Variants in COLEC12 observed in about 807,000 individuals in gnomAD.
The protein encoded by COLEC12 is collectin-12.
A neutral mutation model predicts 71.1 loss-of-function variants in COLEC12; 33 were observed. The observed-to-expected ratio is 0.46, with a 90% confidence interval of 0.35 to 0.62. The LOEUF (loss-of-function observed/expected upper bound fraction) is 0.62, where lower values mean the gene tolerates loss of function less well. Ranked by LOEUF, COLEC12 falls within the 20% of genes least tolerant of loss-of-function variation. The probability of loss-of-function intolerance (pLI) is 0.00; values close to 1 mark genes in which losing one functional copy is unlikely to be tolerated. For missense variants in COLEC12, 765 were observed against 916.1 expected, an observed-to-expected ratio of 0.84 and a Z score of 2.13; for synonymous variants, 350 against 353.0, an observed-to-expected ratio of 0.99 and a Z score of 0.10.
chr18:349,552 G>GT (rs550914638), intron 3 of COLEC12, among the ~76,000 whole-genome samples: 22 of 152,326 alleles, frequency 1.4e-4, no homozygotes, highest in African/African-American at 5.1e-4. Flanking sequence ...TAGTGGAGCT[G>GT]TGAGAAGAGG....
At chr18:447,475 C>G (rs1376849583) in intron 2 of COLEC12, among the ~76,000 whole-genome samples, 3 of 152,228 alleles carry the variant, frequency 2.0e-5, no homozygotes, top group Non-Finnish European at 4.4e-5. Context: ...GCGTGCTGAG[C>G]AGAGGCCACC....
At chr18:474,402 G>C (rs1333908282) in intron 2 of COLEC12, among the ~76,000 whole-genome samples, 1 of 152,206 alleles carries the variant, frequency 6.6e-6, no homozygotes, top group Non-Finnish European at 1.5e-5. Context: ...GTTTAAAACA[G>C]ATCATAATCA....
Position 408,009 on chromosome 18 carries a change from T to C in COLEC12, c.59-50487A>G, listed in dbSNP as rs1348242425. Among the ~76,000 whole-genome samples, 4 of 152,186 alleles carry C rather than the reference T, an allele frequency of 2.6e-5. No individual in the cohort carries two copies. The highest frequency in any genetic ancestry group is 5.9e-5 in the Non-Finnish European group (4 of 68,022). The stretch of plus-strand genomic sequence containing the variant: ...CCTGGGCTAGAAGGAATATAATAAA[T>C]GGCTGGATGAATGATGAATATGACT... On this transcript the variant is annotated intron_variant, in intron 2 of 9. Transcript: ENST00000400256. This position sits in a 1 kb window ranked among gnomAD's most constrained non-coding sequence, Gnocchi z 4.3.
At chr18:412,017 G>A (rs780287709) in intron 2 of COLEC12, among the ~76,000 whole-genome samples, 5 of 152,158 alleles carry the variant, frequency 3.3e-5, no homozygotes, top group Non-Finnish European at 5.9e-5. Context: ...CCTAGAAGGA[G>A]AGGAGAAAGG....
chr18:455,561 G>A (rs1916852393), intron 2 of COLEC12, among the ~76,000 whole-genome samples: 1 of 152,104 alleles, frequency 6.6e-6, no homozygotes, highest in African/African-American at 2.4e-5. Context: ...CATGTGCCAT[G>A]GTGGTTTGCT....
chr18:476,852 C>T (rs1030655898), intron 2 of COLEC12, among the ~76,000 whole-genome samples: 2 of 152,214 alleles, frequency 1.3e-5, no homozygotes, highest in Non-Finnish European at 1.5e-5. Flanking sequence ...ACTATAGTTA[C>T]GTCCCAATTA....
rs143750080 is a variant in COLEC12 at position 374,830 on chromosome 18, G to A, written c.59-17308C>T. Among the ~76,000 whole-genome samples the A allele has an allele frequency of 2.3e-3, 349 of 152,252 alleles. 1 individual carries two copies. Among genetic ancestry groups the A allele is most frequent in the African/African-American group, 7.9e-3 (329 of 41,552 alleles). On this transcript the variant is annotated intron_variant, in intron 2 of 9. Coordinates refer to ENST00000400256, the MANE Select transcript of COLEC12 (RefSeq NM_130386.3). ...ACGTTATGCATGGTGAGTTCAGACC[G>A]CAGCTGTCTATGTAGCCAGTTAAGT...
chr18:446,640 T>C (rs1368227735), intron 2 of COLEC12, among the ~76,000 whole-genome samples: 1 of 150,354 alleles, frequency 6.7e-6, no homozygotes, highest in African/African-American at 2.5e-5. Flanking sequence ...GCCCAGGAGG[T>C]TGAGGACCTT....
chr18:488,973 A>C (rs986878121), intron 1 of COLEC12, among the ~76,000 whole-genome samples: 4 of 152,188 alleles, frequency 2.6e-5, no homozygotes, highest in African/African-American at 7.2e-5. Context: ...GAAGCACTGG[A>C]GGAGTAAGTG....
At chr18:398,860 C>T (rs1321777825) in intron 2 of COLEC12, among the ~76,000 whole-genome samples, 4 of 152,210 alleles carry the variant, frequency 2.6e-5, no homozygotes, top group Admixed American at 2.0e-4. Flanking sequence ...TTTGACCTCA[C>T]GTTCCACATG....
intron 2 of COLEC12, among the ~76,000 whole-genome samples, chr18:374,954 A>C (rs1229450110): frequency 6.6e-6 from 1 of 152,224 alleles, no homozygotes; most frequent in Non-Finnish European, 1.5e-5. Context: ...AGTTGGGGAA[A>C]GTTCATCTGT....
chr18:330,907 T>A (rs7359771), intron 8 of COLEC12, among the ~76,000 whole-genome samples: 87,154 of 144,870 alleles, frequency 0.6, 26,928 homozygotes, highest in Middle Eastern at 0.78. Context: ...TGAGATAGAG[T>A]CTTGCTCTGT....
intron 2 of COLEC12, among the ~76,000 whole-genome samples, chr18:410,447 T>TC (rs1223761346): frequency 1.3e-5 from 2 of 152,006 alleles, no homozygotes; most frequent in East Asian, 3.9e-4. Flanking sequence ...TTCTTCTTTT[T>TC]TTTTTTTTTA....
chr18:371,581 G>A (rs537508960), intron 2 of COLEC12, among the ~76,000 whole-genome samples: 2 of 152,294 alleles, frequency 1.3e-5, no homozygotes, highest in East Asian at 3.9e-4. Context: ...TCACAGAGTA[G>A]GGGATAGAAA....
At position 317,804 on chromosome 18, in the gene COLEC12, C is replaced by A. The variant is rs887763714; in HGVS notation, c.*2241G>T. On this transcript the variant is annotated 3_prime_UTR_variant, in exon 10 of 10. Transcript: ENST00000400256. ...GCCCGCCTTGTGGTGCAGGCTTCAG[C>A]AGTTTAGGCCCAGAGGACTGTGGGT... 5.9e-5 allele frequency: 9 copies of A among 152,196 alleles called. 1 individual carries two copies. Among genetic ancestry groups the A allele is most frequent in the Admixed American group, 5.9e-4 (9 of 15,286 alleles). 9.4% of individuals were successfully genotyped at this position (152,196 alleles called of 1,614,324 possible).
chr18:344,107 A>T (rs1274730767), intron 5 of COLEC12, among the ~76,000 whole-genome samples: 3 of 152,168 alleles, frequency 2.0e-5, no homozygotes, highest in Non-Finnish European at 2.9e-5. Flanking sequence ...GAATACCATG[A>T]TAAGATTGTC....
At chr18:472,404 G>A (rs542843266) in intron 2 of COLEC12, among the ~76,000 whole-genome samples, 2 of 152,192 alleles carry the variant, frequency 1.3e-5, no homozygotes, top group African/African-American at 4.8e-5. Context: ...CTGGTCAGGC[G>A]TGGTGCCTCA....
intron 3 of COLEC12, among the ~76,000 whole-genome samples, chr18:350,946 C>T (rs922046677): frequency 2.9e-5 from 4 of 135,618 alleles, no homozygotes; most frequent in Non-Finnish European, 6.1e-5. Context: ...GGCAACAGAG[C>T]GAGACTCTGT....
chr18:426,248 G>A (rs1480863792), intron 2 of COLEC12, among the ~76,000 whole-genome samples: 3 of 152,118 alleles, frequency 2.0e-5, no homozygotes, highest in Admixed American at 2.0e-4. Flanking sequence ...ACACTGTGTA[G>A]GATGTAATTG....
Sources: gnomAD v4.1 joint callset for allele counts (sites outside exome capture counted in the v4.1 genomes callset) on GRCh38, gnomAD v4.1.1 for gene constraint, Gnocchi (gnomAD v3.1) non-coding constraint, MANE v1.5 for transcripts, NCBI Gene and HGNC (gene_info 2026-07-23, HGNC 2026-07-21) for gene names.